The following COL15A1 variants were observed in gnomAD, a reference collection of about 807,000 sequenced individuals.
COL15A1 encodes the protein collagen type XV alpha 1 chain, also known as collagen alpha-1(XV) chain.
In COL15A1, 111 loss-of-function variants were observed where a neutral mutation model predicts 165.9. That is an observed-to-expected ratio of 0.67 (90% CI 0.57 to 0.78). The LOEUF is 0.78. Ranked by LOEUF, COL15A1 falls within the 30% of genes least tolerant of loss-of-function variation. COL15A1 has a pLI of 0.00. For synonymous variants in COL15A1, 659 were observed against 674.8 expected (o/e 0.98, Z 0.36); for missense variants, 1,745 against 1,789.7 (o/e 0.98, Z 0.45).
Position 98,985,442 on chromosome 9 carries a change from A to G in COL15A1, c.101-123A>G, listed in dbSNP as rs1055012598. On this transcript the variant is annotated intron_variant, in intron 2 of 41. Coordinates refer to ENST00000375001, the MANE Select transcript of COL15A1 (RefSeq NM_001855.5). The stretch of plus-strand genomic sequence containing the variant: ...CAAAACGTTTGAAAAACAACCATTT[A>G]GGAACTACAGTTTCAGTGGGGTTCC... 10 of 976,966 alleles carry G rather than the reference A, an allele frequency of 1.0e-5. No individual in the cohort carries two copies. In the African/African-American group the frequency reaches 1.3e-4, roughly 13 times the overall value. The allele number at this position is 976,966 out of a possible 1,614,324, so 60.5% of individuals were successfully genotyped here. A position where few individuals can be genotyped will look rare whatever the true frequency, so the allele number is the denominator to read the frequency against.
intron 11 of COL15A1, among the ~76,000 whole-genome samples, chr9:99,017,959 C>T (rs909205819): frequency 3.3e-5 from 5 of 152,134 alleles, no homozygotes; most frequent in African/African-American, 1.2e-4. Context: ...TCATCTGTTC[C>T]ACCTCCTACC....
At chr9:99,024,220 C>T (rs1303715273) in intron 14 of COL15A1, among the ~76,000 whole-genome samples, 4 of 151,848 alleles carry the variant, frequency 2.6e-5, no homozygotes, top group Non-Finnish European at 2.9e-5. Context: ...GCTAAAAACA[C>T]TAGTGCACTT....
chr9:99,028,639 G>A (rs183046926), intron 16 of COL15A1, among the ~76,000 whole-genome samples: 171 of 152,188 alleles, frequency 1.1e-3, no homozygotes, highest in South Asian at 0.011. Context: ...GACAGGGTGA[G>A]ACTCCGTCTC....
Position 99,066,620 on chromosome 9 carries a change from T to TGTTTGTTTG in COL15A1, c.3652-262_3652-261insGTTTGTTTG, listed in dbSNP as rs1564098597. Among the ~76,000 whole-genome samples the TGTTTGTTTG allele has an allele frequency of 7.0e-3, 993 of 141,684 alleles. 21 individuals carry two copies. Among genetic ancestry groups the TGTTTGTTTG allele is most frequent in the African/African-American group, 0.024 (924 of 38,962 alleles). The allele number at this position is 141,684 out of a possible 152,430, so 93.0% of individuals were successfully genotyped here. A position where few individuals can be genotyped will look rare whatever the true frequency, so the allele number is the denominator to read the frequency against. On this transcript the variant is annotated intron_variant, in intron 39 of 41. Transcript: ENST00000375001. ...TTCTGTTTTTTTTTTTTTTTTTTTT[T>TGTTTGTTTG]TTTTCACCTAAGGAAGACATTTCTA... is the stretch of plus-strand genomic sequence containing the variant.
At chr9:98,972,940 C>G (rs569859622) in intron 2 of COL15A1, among the ~76,000 whole-genome samples, 1 of 152,146 alleles carries the variant, frequency 6.6e-6, no homozygotes, top group Admixed American at 6.5e-5. Flanking sequence ...GCTGCTGCAC[C>G]GAGGATTCTG....
chr9:99,020,456 C>T lies in COL15A1; in HGVS notation c.1701+14C>T. ...AAAGGAGAAAAGGTTTGTGCTGTGACCATCCTGGGGAACACTTTGGCTCCT... is the reference window on the plus strand; with the variant it reads ...AAAGGAGAAAAGGTTTGTGCTGTGATCATCCTGGGGAACACTTTGGCTCCT... On this transcript the variant is annotated intron_variant, in intron 12 of 41. Coordinates refer to ENST00000375001, the MANE Select transcript of COL15A1 (RefSeq NM_001855.5). 6.3e-7 allele frequency: 1 copy of T among 1,592,782 alleles called. No individual in the cohort carries two copies. The highest frequency in any genetic ancestry group is 8.6e-7 in the Non-Finnish European group (1 of 1,160,542).
intron 5 of COL15A1, among the ~76,000 whole-genome samples, chr9:98,996,234 C>A (rs931840037): frequency 2.0e-5 from 3 of 152,208 alleles, no homozygotes; most frequent in African/African-American, 7.2e-5. Context: ...CTTCCATGCA[C>A]CCCCAGCCCC....
chr9:99,013,101 A>G (rs1265628779), intron 9 of COL15A1, among the ~76,000 whole-genome samples: 1 of 152,114 alleles, frequency 6.6e-6, no homozygotes, highest in Non-Finnish European at 1.5e-5. Context: ...GAGACTCTAC[A>G]GTGTGTCACC....
intron 4 of COL15A1, among the ~76,000 whole-genome samples, chr9:98,988,565 A>G (rs1838356741): frequency 6.6e-6 from 1 of 152,212 alleles, no homozygotes; most frequent in Non-Finnish European, 1.5e-5. Context: ...GAAAGTAGAT[A>G]TGTTAGAGAG....
intron 39 of COL15A1, 152 bp downstream of exon 39, chr9:99,063,261 T>C: frequency 9.5e-7 from 1 of 1,048,208 alleles, no homozygotes; most frequent in Non-Finnish European, 1.3e-6. Flanking sequence ...TACAGTGTGG[T>C]AAGTTGTTTG....
chr9:99,036,674 C>A (rs1442175792), intron 21 of COL15A1, among the ~76,000 whole-genome samples: 1 of 152,156 alleles, frequency 6.6e-6, no homozygotes, highest in Admixed American at 6.5e-5. Flanking sequence ...TTGAGGAAGC[C>A]CCAGATAAGC....
At chr9:98,968,938 T>C (rs1837999120) in intron 2 of COL15A1, among the ~76,000 whole-genome samples, 1 of 152,216 alleles carries the variant, frequency 6.6e-6, no homozygotes, top group African/African-American at 2.4e-5. Flanking sequence ...TGTTATAGCA[T>C]TTCAGCATGT....
At chr9:99,004,305 T>C (rs1838718695) in intron 8 of COL15A1, among the ~76,000 whole-genome samples, 1 of 151,448 alleles carries the variant, frequency 6.6e-6, no homozygotes. Context: ...TTTGGGTGAG[T>C]GGTGGTGCCA....
intron 12 of COL15A1, 91 bp downstream of exon 12, chr9:99,020,533 A>G (rs530848126): frequency 2.2e-6 from 2 of 900,764 alleles, no homozygotes; most frequent in Admixed American, 3.9e-5. Context: ...CACTCTGATC[A>G]AGGGGATCGC....
Position 99,003,496 on chromosome 9 carries a change from G to A in COL15A1, c.1109G>A (p.Ser370Asn). 3.2e-6 allele frequency: 5 copies of A among 1,563,274 alleles called. No homozygotes were observed. Among genetic ancestry groups the A allele is most frequent in the Non-Finnish European group, 4.3e-6 (5 of 1,154,614 alleles). The change falls in exon 8 of 42, where the codon AGC becomes AAC. Residue 370 changes from serine (S) to asparagine (N), a missense_variant. Coordinates refer to ENST00000375001, the MANE Select transcript of COL15A1 (RefSeq NM_001855.5). ...GCGGGGCTGGCCGAGGTGCCCATCA[G>A]CACTGCTGGAGAAGCAGAGGCCAGC... The part of the protein sequence containing the change: ...TAAGLAEVPI[S>N]TAGEAEASSV...
At chr9:99,044,878 G>A (rs1353098390) in intron 26 of COL15A1, 108 bp downstream of exon 26, 22 of 1,016,342 alleles carry the variant, frequency 2.2e-5, no homozygotes, top group Non-Finnish European at 3.0e-5. Context: ...CAAAGATGTG[G>A]CAAAGATGTG....
At chr9:99,020,244 T>C (rs1218140607) in intron 11 of COL15A1, 145 bp from the exon 12 acceptor site, 11 of 655,488 alleles carry the variant, frequency 1.7e-5, no homozygotes, top group Middle Eastern at 7.8e-4. Flanking sequence ...GCCTCTCTCT[T>C]CATGGGGCTC....
chr9:99,022,347 G>T (rs1839042475), intron 13 of COL15A1, among the ~76,000 whole-genome samples, 197 bp downstream of exon 13: 1 of 152,202 alleles, frequency 6.6e-6, no homozygotes, highest in Non-Finnish European at 1.5e-5. Context: ...CCTGCACCTT[G>T]AGCATCCCAG....
chr9:99,007,042 T>C (rs943664884), intron 9 of COL15A1, among the ~76,000 whole-genome samples: 1 of 152,200 alleles, frequency 6.6e-6, no homozygotes, highest in Non-Finnish European at 1.5e-5. Context: ...AATCAATATA[T>C]GTAAGGTGTA....
Sources: allele counts gnomAD v4.1 joint callset (sites outside exome capture counted in the v4.1 genomes callset), GRCh38; gene constraint gnomAD v4.1.1; transcripts MANE v1.5; gene names NCBI Gene and HGNC (gene_info 2026-07-23, HGNC 2026-07-21).